HOOK3: variants seen among roughly 807,000 people sequenced by gnomAD.
The protein encoded by HOOK3 is hook microtubule tethering protein 3, also known as protein Hook homolog 3.
A neutral mutation model predicts 116.3 loss-of-function variants in HOOK3; 24 were observed. The observed-to-expected ratio is 0.21, with a 90% CI of 0.15 to 0.29. HOOK3 has a LOEUF of 0.29. Ranked by LOEUF, HOOK3 falls within the 10% of genes least tolerant of loss-of-function variation. The pLI, the probability that HOOK3 is intolerant of heterozygous loss-of-function variation, is 1.00. For missense variants in HOOK3, 632 were observed against 830.2 expected, an observed-to-expected ratio of 0.76 and a Z score of 2.93; for synonymous variants, 275 against 283.0, an observed-to-expected ratio of 0.97 and a Z score of 0.28.
chr8:43,029,508 C>T lies in HOOK3; in HGVS notation c.*11010C>T, dbSNP rs1011176105. 2.7e-5 allele frequency: 5 copies of T among 183,648 alleles called. No individual in the cohort carries two copies. The highest frequency in any genetic ancestry group is 3.9e-4 in the South Asian group (2 of 5,084). The allele number at this position is 183,648 out of a possible 1,614,324, so 11.4% of individuals were successfully genotyped here. ...TAATTCAAATGCACTAAAATATCAT[C>T]GCTGTCATGAACTTTGCTGTTTACA... is the stretch of plus-strand genomic sequence containing the variant. On this transcript the variant is annotated 3_prime_UTR_variant, in exon 22 of 22. Transcript: ENST00000307602.
In HOOK3 at chr8:42,897,286, G is replaced by A. The variant is rs918116868; in HGVS notation, c.57+98G>A. ...CGTGGGGCGAGCGCTGCGGGCGACG[G>A]TGCCGTCACATCCGGGGCCTGGGGC... On this transcript the variant is annotated intron_variant, in intron 1 of 21. Coordinates refer to ENST00000307602, the MANE Select transcript of HOOK3 (RefSeq NM_032410.4). 1.4e-4 allele frequency: 116 copies of A among 832,552 alleles called. No individual in the cohort carries two copies. The Middle Eastern group carries it at 2.2e-3, about 16-fold the overall frequency. 51.6% of individuals were successfully genotyped at this position (832,552 alleles called of 1,614,324 possible). A position where few individuals can be genotyped will look rare whatever the true frequency, so the allele number is the denominator to read the frequency against.
Position 43,013,032 on chromosome 8 carries a change from C to T in HOOK3, c.1840-19C>T, listed in dbSNP as rs1247033919. On this transcript the variant is annotated intron_variant, in intron 19 of 21. Coordinates refer to ENST00000307602, the MANE Select transcript of HOOK3 (RefSeq NM_032410.4). Reference sequence around the variant, plus strand: ...TAAGTTTGAGACTTTTTAAATTTTTCTTTTATTATTTTTTGCAGGTCATCC... The same window carrying T: ...TAAGTTTGAGACTTTTTAAATTTTTTTTTTATTATTTTTTGCAGGTCATCC... 6.7e-7 allele frequency: 1 copy of T among 1,492,220 alleles called. No individual in the cohort carries two copies. Among genetic ancestry groups the T allele is most frequent in the Non-Finnish European group, 9.2e-7 (1 of 1,088,690 alleles). 92.4% of individuals were successfully genotyped at this position (1,492,220 alleles called of 1,614,324 possible). A position where few individuals can be genotyped will look rare whatever the true frequency, so the allele number is the denominator to read the frequency against.
intron 2 of HOOK3, among the ~76,000 whole-genome samples, chr8:42,912,804 T>G (rs1174199776): frequency 6.6e-6 from 1 of 152,220 alleles, no homozygotes; most frequent in Non-Finnish European, 1.5e-5. Context: ...ACTCTTGGTG[T>G]TGTACATCCT....
intron 18 of HOOK3, among the ~76,000 whole-genome samples, chr8:43,009,155 A>G (rs1809554256): frequency 6.6e-6 from 1 of 151,860 alleles, no homozygotes; most frequent in Non-Finnish European, 1.5e-5. Flanking sequence ...TAATCCTAGC[A>G]CTTATTTGGG....
chr8:42,983,991 AC>A (rs1343801641), intron 14 of HOOK3, among the ~76,000 whole-genome samples: 1 of 152,226 alleles, frequency 6.6e-6, no homozygotes, highest in Non-Finnish European at 1.5e-5. Context: ...AGGGTTTCAT[AC>A]ACTGTAAAAG....
chr8:42,941,030 T>A (rs1808106299), intron 4 of HOOK3, among the ~76,000 whole-genome samples: 1 of 151,758 alleles, frequency 6.6e-6, no homozygotes, highest in South Asian at 2.1e-4. Flanking sequence ...ACTGGCAACC[T>A]CCACCTCCCA....
chr8:42,921,394 A>G (rs189214993), intron 2 of HOOK3, among the ~76,000 whole-genome samples: 1 of 152,222 alleles, frequency 6.6e-6, no homozygotes, highest in South Asian at 2.1e-4. Context: ...TTTTAGGTTA[A>G]GGATCAAAAA....
intron 17 of HOOK3, among the ~76,000 whole-genome samples, chr8:43,006,140 CCT>C (rs1464045183): frequency 4.3e-5 from 6 of 139,196 alleles, no homozygotes; most frequent in Admixed American, 1.5e-4. Context: ...CCTGCCTCAG[CCT>C]CCCGAGTAGC....
In HOOK3 at chr8:42,984,777, G is replaced by C. The variant is rs541143708; in HGVS notation, c.1392-1878G>C. 2.6e-5 allele frequency among the ~76,000 whole-genome samples: 4 copies of C among 152,148 alleles called. No individual in the cohort carries two copies. The South Asian group carries it at 8.3e-4, about 32-fold the overall frequency. On this transcript the variant is annotated intron_variant, in intron 14 of 21. Coordinates refer to ENST00000307602, the MANE Select transcript of HOOK3 (RefSeq NM_032410.4). ...AAATTAGCTGGGTGTGCTAGCACACGCCTGTAATCCCAGCTACTCAGGAAA... is the reference window on the plus strand; with the variant it reads ...AAATTAGCTGGGTGTGCTAGCACACCCCTGTAATCCCAGCTACTCAGGAAA...
chr8:42,991,427 G>C (rs1208667699), intron 15 of HOOK3, among the ~76,000 whole-genome samples: 2 of 140,372 alleles, frequency 1.4e-5, no homozygotes, highest in Non-Finnish European at 3.0e-5. Flanking sequence ...TTTGGAGATA[G>C]AGTCTGTCTC....
At chr8:42,958,597 T>G (rs1249200359) in intron 7 of HOOK3, among the ~76,000 whole-genome samples, 2 of 87,510 alleles carry the variant, frequency 2.3e-5, no homozygotes, top group Non-Finnish European at 4.2e-5. Flanking sequence ...TTTTTGATAG[T>G]TTTTTTTTTT....
At chr8:42,901,514 A>G (rs1807188433) in intron 1 of HOOK3, among the ~76,000 whole-genome samples, 1 of 152,148 alleles carries the variant, frequency 6.6e-6, no homozygotes, top group African/African-American at 2.4e-5. Context: ...GAACATTTTC[A>G]TCACCCCAAA....
intron 11 of HOOK3, among the ~76,000 whole-genome samples, chr8:42,972,418 A>T (rs370964318): frequency 1.0e-3 from 159 of 151,572 alleles, no homozygotes; most frequent in African/African-American, 3.6e-3. Flanking sequence ...TTTCTTTCTT[A>T]CTTTTTTTTT....
intron 18 of HOOK3, 52 bp downstream of exon 18, chr8:43,007,981 A>G (rs1218922315): frequency 2.6e-6 from 2 of 762,556 alleles, no homozygotes; most frequent in Non-Finnish European, 2.1e-6. Flanking sequence ...GTATACTGCC[A>G]TAGTGATAGT....
chr8:42,961,352 C>T (rs1475389350), intron 8 of HOOK3, among the ~76,000 whole-genome samples: 1 of 152,210 alleles, frequency 6.6e-6, no homozygotes, highest in Non-Finnish European at 1.5e-5. Context: ...ATATATAACA[C>T]ATGAGTAAGA....
rs1346317377 is a variant in HOOK3, at chr8:43,023,202, T to C, written c.*4704T>C. ...GCCTGGGCCACAGAGTGAGACTCCA[T>C]CTCAAAAAAAAAAAAAAAAAAAAAA... On this transcript the variant is annotated 3_prime_UTR_variant, in exon 22 of 22. Transcript: ENST00000307602. 3.2e-5 allele frequency: 2 copies of C among 61,746 alleles called. No individual in the cohort carries two copies. The highest frequency in any genetic ancestry group is 6.2e-5 in the Non-Finnish European group (2 of 32,314). 3.8% of individuals were successfully genotyped at this position (61,746 alleles called of 1,614,324 possible).
chr8:42,941,725 A>T (rs1055924366), intron 4 of HOOK3, among the ~76,000 whole-genome samples: 2 of 152,014 alleles, frequency 1.3e-5, no homozygotes, highest in Non-Finnish European at 2.9e-5. Context: ...ATGAGGACCT[A>T]AGTGACATGC....
At chr8:42,991,257 A>G (rs1009287673) in intron 15 of HOOK3, among the ~76,000 whole-genome samples, 24 of 152,114 alleles carry the variant, frequency 1.6e-4, no homozygotes, top group Non-Finnish European at 3.4e-4. Context: ...TGCTTAGAAT[A>G]GCTTTGGTTA....
At chr8:42,902,935 A>G (rs1807219797) in intron 1 of HOOK3, among the ~76,000 whole-genome samples, 1 of 152,246 alleles carries the variant, frequency 6.6e-6, no homozygotes, top group South Asian at 2.1e-4. Context: ...ACAAACCTAC[A>G]AGAAAGATTG....
Sources: gnomAD v4.1 joint callset for allele counts (sites outside exome capture counted in the v4.1 genomes callset) on GRCh38, gnomAD v4.1.1 for gene constraint, MANE v1.5 for transcripts, NCBI Gene and HGNC (gene_info 2026-07-23, HGNC 2026-07-21) for gene names.